FRMD3: variants seen among roughly 807,000 people sequenced by gnomAD.
FRMD3 encodes FERM domain containing 3.
Under a neutral mutation model 70.2 loss-of-function variants are expected in FRMD3, and 33 were observed. That is an observed-to-expected ratio of 0.47 (90% CI 0.36 to 0.63). FRMD3 has a LOEUF of 0.63. Ranked by LOEUF, FRMD3 falls within the 20% of genes least tolerant of loss-of-function variation. FRMD3 has a pLI of 0.00. For missense variants in FRMD3, 632 were observed against 711.4 expected (o/e 0.89, Z 1.27); for synonymous variants, 279 against 255.9 (o/e 1.09, Z -0.86).
chr9:83,267,803 C>T (rs1833341330), intron 13 of FRMD3, among the ~76,000 whole-genome samples: 1 of 152,116 alleles, frequency 6.6e-6, no homozygotes. Context: ...GTGTGTGTTG[C>T]ACACTGCACA....
intron 4 of FRMD3, 59 bp from the exon 5 acceptor site, chr9:83,343,346 G>C: frequency 8.4e-7 from 1 of 1,194,874 alleles, no homozygotes. Flanking sequence ...GGAAGAAGTA[G>C]GATTGTTCAT....
At chr9:83,538,587 G>C, upstream of FRMD3, 1 of 181,222 alleles carries the variant, frequency 5.5e-6, no homozygotes, top group Non-Finnish European at 1.1e-5. The surrounding 1 kb of genome is among the most constrained non-coding windows in gnomAD (Gnocchi z 4.7). Flanking sequence ...TGAAGGAGGA[G>C]GCGGAGGGAT....
At chr9:83,568,955 G>GATAGATACATACATAC in the FRMD3 span, among the ~76,000 whole-genome samples, 1,868 of 130,752 alleles carry the variant, frequency 0.014, 22 homozygotes, top group African/African-American at 0.036. Flanking sequence ...TAGATAGATA[G>GATAGATACATACATAC]ATACATACAT....
At chr9:83,312,860 T>A (rs1487132661) in intron 7 of FRMD3, among the ~76,000 whole-genome samples, 1 of 151,838 alleles carries the variant, frequency 6.6e-6, no homozygotes, top group Non-Finnish European at 1.5e-5. Flanking sequence ...GTGTTTCTAA[T>A]GAGCAGCCCA....
In FRMD3 at chr9:83,246,664, C is replaced by G; in HGVS notation, c.*1254G>C. The stretch of plus-strand genomic sequence containing the variant: ...ATATTCTCTCTCTCTCTCTCTCTCT[C>G]TCTCTCACACACACACACACGCACA... On this transcript the variant is annotated 3_prime_UTR_variant, in exon 14 of 14. Transcript: ENST00000304195. 1.0e-6 allele frequency: 1 copy of G among 971,720 alleles called. No homozygotes were observed. Among genetic ancestry groups the G allele is most frequent in the Non-Finnish European group, 1.2e-6 (1 of 827,042 alleles). The allele number at this position is 971,720 out of a possible 1,614,324, so 60.2% of individuals were successfully genotyped here.
intron 13 of FRMD3, among the ~76,000 whole-genome samples, chr9:83,282,810 A>G (rs911494433): frequency 6.6e-6 from 1 of 152,204 alleles, no homozygotes; most frequent in African/African-American, 2.4e-5. Context: ...AAAATGAACT[A>G]TTTGTGGAGA....
intron 1 of FRMD3, among the ~76,000 whole-genome samples, chr9:83,476,456 T>C (rs756477817): frequency 5.9e-5 from 9 of 151,560 alleles, no homozygotes; most frequent in Non-Finnish European, 1.3e-4. Flanking sequence ...CTGTCAGAAA[T>C]ATTGAAGAAG....
At chr9:83,297,885 T>G (rs2119014295) in intron 12 of FRMD3, 1 of 468,476 alleles carries the variant, frequency 2.1e-6, no homozygotes, top group East Asian at 6.9e-5. Context: ...TCTGGATGCT[T>G]CTCCAGGCTG....
At chr9:83,575,104 T>A in the FRMD3 span, among the ~76,000 whole-genome samples, 1 of 152,164 alleles carries the variant, frequency 6.6e-6, no homozygotes, top group East Asian at 1.9e-4. Context: ...AATCATCCCT[T>A]AAGTTCTGTT....
At chr9:83,359,973 G>A (rs1824531325) in intron 3 of FRMD3, among the ~76,000 whole-genome samples, 1 of 152,184 alleles carries the variant, frequency 6.6e-6, no homozygotes, top group Non-Finnish European at 1.5e-5. Context: ...GTCCTTCAAT[G>A]TTACCTTGCC....
chr9:83,482,303 C>A (rs926285219), intron 1 of FRMD3, among the ~76,000 whole-genome samples: 1 of 152,140 alleles, frequency 6.6e-6, no homozygotes, highest in African/African-American at 2.4e-5. Context: ...AAAATAATAA[C>A]GGGAAAAGAG....
chr9:83,362,091 G>A (rs79529936), intron 3 of FRMD3, among the ~76,000 whole-genome samples: 6,300 of 152,178 alleles, frequency 0.041, 204 homozygotes, highest in East Asian at 0.18. Flanking sequence ...GGAAGAACAA[G>A]TAGAGTTGAG....
chr9:83,411,773 C>A (rs539733974), intron 1 of FRMD3, among the ~76,000 whole-genome samples: 1 of 152,198 alleles, frequency 6.6e-6, no homozygotes, highest in Non-Finnish European at 1.5e-5. Flanking sequence ...TTGAAGTATG[C>A]AATTTTTCAC....
intron 3 of FRMD3, among the ~76,000 whole-genome samples, chr9:83,372,329 C>T (rs1276214847): frequency 6.8e-6 from 1 of 147,744 alleles, no homozygotes; most frequent in African/African-American, 2.5e-5. Context: ...TTATCCAAGC[C>T]AACTTCCCCA....
intron 13 of FRMD3, among the ~76,000 whole-genome samples, chr9:83,250,063 A>G (rs1387454675): frequency 2.0e-5 from 3 of 152,184 alleles, no homozygotes; most frequent in Admixed American, 2.0e-4. Flanking sequence ...AGGGGCTAGT[A>G]AATGCAGCAC....
intron 1 of FRMD3, among the ~76,000 whole-genome samples, chr9:83,394,979 C>T (rs971015890): frequency 6.6e-6 from 1 of 152,108 alleles, no homozygotes; most frequent in Non-Finnish European, 1.5e-5. Flanking sequence ...TATTCTAAGG[C>T]TCATTCATGT....
intron 6 of FRMD3, among the ~76,000 whole-genome samples, chr9:83,332,678 C>T (rs1823428837): frequency 1.3e-5 from 2 of 152,096 alleles, no homozygotes; most frequent in Non-Finnish European, 2.9e-5. Context: ...TATTTGAGCA[C>T]CTGTTGTGTT....
rs2118486588 is a variant in FRMD3 at position 83,247,572 on chromosome 9, T to C, written c.*346A>G. On this transcript the variant is annotated 3_prime_UTR_variant, in exon 14 of 14. Coordinates refer to ENST00000304195, the MANE Select transcript of FRMD3 (RefSeq NM_174938.6). The stretch of plus-strand genomic sequence containing the variant: ...ACTAAAATTCTGATTCTGAACCTTA[T>C]AGCTTATAATGGTGCCAACTATTAG... 4 of 1,015,818 alleles carry C rather than the reference T, an allele frequency of 3.9e-6. No homozygotes were observed. Among genetic ancestry groups the C allele is most frequent in the Middle Eastern group, 5.0e-4 (1 of 2,014 alleles). The allele number at this position is 1,015,818 out of a possible 1,614,324, so 62.9% of individuals were successfully genotyped here.
At chr9:83,488,583 A>C (rs1049298282) in intron 1 of FRMD3, among the ~76,000 whole-genome samples, 1 of 152,196 alleles carries the variant, frequency 6.6e-6, no homozygotes, top group Non-Finnish European at 1.5e-5. Flanking sequence ...CAATACTTCC[A>C]CTTTCCTAAT....
Sources: allele counts gnomAD v4.1 joint callset (sites outside exome capture counted in the v4.1 genomes callset), GRCh38; gene constraint gnomAD v4.1.1; non-coding constraint Gnocchi (gnomAD v3.1); transcripts MANE v1.5; gene names NCBI Gene and HGNC (gene_info 2026-07-23, HGNC 2026-07-21).